Variants in NBPF11 observed in about 807,000 individuals in gnomAD.
The protein encoded by NBPF11 is NBPF family member NBPF11.
In NBPF11, 72 loss-of-function variants were observed where a neutral mutation model predicts 93.9. The observed-to-expected ratio is 0.77, with a 90% CI of 0.63 to 0.93. The LOEUF is 0.93. Ranked by LOEUF, NBPF11 falls within the 40% of genes least tolerant of loss-of-function variation. The pLI is 0.00. For synonymous variants in NBPF11, 224 were observed against 304.9 expected (o/e 0.73, Z 2.76); for missense variants, 705 against 802.2 (o/e 0.88, Z 1.46).
chr1:148,103,577 G>T lies in NBPF11; in HGVS notation c.*319C>A, dbSNP rs1662785981. The T allele has an allele frequency of 7.5e-6, 12 of 1,604,174 alleles. No individual in the cohort carries two copies. The South Asian group carries it at 1.2e-4, about 16-fold the overall frequency. On this transcript the variant is annotated 3_prime_UTR_variant, in exon 24 of 24. Coordinates refer to ENST00000682118, the MANE Select transcript of NBPF11 (RefSeq NM_001385469.3). Reference sequence around the variant, plus strand: ...GCCCACTGACCCATCCTATGTCTGGGCTTCCAAATGGAACTATAGTTTCAT... The same window carrying T: ...GCCCACTGACCCATCCTATGTCTGGTCTTCCAAATGGAACTATAGTTTCAT...
intron 19 of NBPF11, 74 bp downstream of exon 19, chr1:148,107,637 A>C: frequency 8.5e-7 from 1 of 1,182,420 alleles, no homozygotes; most frequent in Non-Finnish European, 1.3e-6. Context: ...AATTGAACAC[A>C]CTCTTGTTTT....
chr1:148,139,044 T>A (rs1211396852), intron 2 of NBPF11, among the ~76,000 whole-genome samples: 1 of 151,260 alleles, frequency 6.6e-6, no homozygotes, highest in African/African-American at 2.5e-5. Context: ...TGAGCTGAGA[T>A]GGCGCCGTTG....
Position 148,110,448 on chromosome 1 carries a change from C to G in NBPF11, c.1731G>C (p.Ser577=), listed in dbSNP as rs1339020421. 2 of 1,557,106 alleles carry G rather than the reference C, an allele frequency of 1.3e-6. No individual in the cohort carries two copies. Among genetic ancestry groups the G allele is most frequent in the Non-Finnish European group, 1.7e-6 (2 of 1,147,070 alleles). ...GAAATGTGCTGCTGTAAGACTGGTACGAGGCCAACCTTTCAGGAGGAATTG... is the reference window on the plus strand; with the variant it reads ...GAAATGTGCTGCTGTAAGACTGGTAGGAGGCCAACCTTTCAGGAGGAATTG... ...TLSIPPERLA[S]YQSYSSTFHS... Residue 577 remains serine, a synonymous_variant, in exon 16 of 24, where the codon TCG becomes TCC. Transcript: ENST00000682118.
rs1668028532 is a variant in NBPF11, at chr1:148,122,184, G to A, written c.649C>T (p.Pro217Ser). Residue 217 changes from proline (P) to serine (S), a missense_variant, in exon 9 of 24, where the codon CCT becomes TCT. Physicochemically the swap from Pro to Ser is moderately conservative, Grantham distance 74. Around this residue, in one of 12 missense-constraint regions of NBPF11, gnomAD observed 262 missense variants for 223.1 expected, o/e 1.17. Coordinates refer to ENST00000682118, the MANE Select transcript of NBPF11 (RefSeq NM_001385469.3). ...TTGTGAGGCTGGATGGAGTCACAAG[G>A]GCCGTGGCTATTTGAACAAGTGATG... Reference protein sequence around the residue: ...CAITCSNSHGPCDSIQPHKNI... With the variant: ...CAITCSNSHGSCDSIQPHKNI... 2 of 1,612,584 alleles carry A rather than the reference G, an allele frequency of 1.2e-6. No individual in the cohort carries two copies. The highest frequency in any genetic ancestry group is 3.3e-5 in the Admixed American group (2 of 59,968).
rs2149243882 is a variant in NBPF11 at position 148,124,132 on chromosome 1, A to T, written c.279-65T>A. ...ATTGAGTGATCCGTTCAAATATTGC[A>T]ACAGAGATTTCTGAGACAATGTTCT... is the stretch of plus-strand genomic sequence containing the variant. On this transcript the variant is annotated intron_variant, in intron 6 of 23. Transcript: ENST00000682118. The T allele has an allele frequency of 3.1e-6, 5 of 1,587,864 alleles. No individual in the cohort carries two copies. The East Asian group carries it at 6.7e-5, about 21-fold the overall frequency.
At chr1:148,131,876 A>G (rs1324225358) in intron 4 of NBPF11, among the ~76,000 whole-genome samples, 4 of 86,596 alleles carry the variant, frequency 4.6e-5, no homozygotes, top group African/African-American at 1.8e-4. Context: ...TTTCATTCCT[A>G]CAAGTATAAG....
In NBPF11 at chr1:148,138,822, G is replaced by A. The variant is rs1340317779; in HGVS notation, c.-276-1013C>T. On this transcript the variant is annotated intron_variant, in intron 2 of 23. Transcript: ENST00000682118. ...TTCCCCACAGTTCAGGTCAGGCCAT[G>A]GCTCATATCTGTAATCCTAGCACTT... 5.5e-4 allele frequency among the ~76,000 whole-genome samples: 83 copies of A among 152,102 alleles called. 1 individual carries two copies. Among genetic ancestry groups the A allele is most frequent in the African/African-American group, 1.8e-3 (75 of 41,350 alleles).
rs1668128850 is a variant in NBPF11, at chr1:148,122,621, C to T, written c.566+108G>A. 3.2e-5 allele frequency: 48 copies of T among 1,505,582 alleles called. No homozygotes were observed. The East Asian group carries it at 7.2e-4, about 23-fold the overall frequency. 93.3% of individuals were successfully genotyped at this position (1,505,582 alleles called of 1,614,324 possible). ...CTGGGTTGAATTTCACATACTGTGG[C>T]CAAGGGAATGCGGGCTTTTGGCCCA... On this transcript the variant is annotated intron_variant, in intron 8 of 23. Coordinates refer to ENST00000682118, the MANE Select transcript of NBPF11 (RefSeq NM_001385469.3).
chr1:148,126,058 T>C (rs1214392804), intron 5 of NBPF11, among the ~76,000 whole-genome samples: 5 of 151,968 alleles, frequency 3.3e-5, no homozygotes, highest in African/African-American at 4.9e-5. Context: ...TGGAGTGCAA[T>C]AGTGCAATCT....
At chr1:148,150,313 A>C (rs1231869103) in intron 1 of NBPF11, among the ~76,000 whole-genome samples, 21 of 149,768 alleles carry the variant, frequency 1.4e-4, no homozygotes, top group Non-Finnish European at 2.8e-4. Context: ...CACGTTGCCC[A>C]GGCTGGTCTG....
intron 14 of NBPF11, among the ~76,000 whole-genome samples, chr1:148,115,318 T>C (rs1384282342): frequency 2.0e-5 from 3 of 150,126 alleles, no homozygotes; most frequent in Admixed American, 6.6e-5. Context: ...AAAGTTTCCA[T>C]CCTGATTTCA....
At chr1:148,108,249 A>T (rs1255088220) in intron 18 of NBPF11, among the ~76,000 whole-genome samples, 1,895 of 137,058 alleles carry the variant, frequency 0.014, no homozygotes, top group East Asian at 0.031. Context: ...TCTTGAGAGT[A>T]GGATTAGGGT....
At chr1:148,147,023 G>T (rs1431255392) in intron 1 of NBPF11, 4 of 1,210,240 alleles carry the variant, frequency 3.3e-6, no homozygotes, top group Non-Finnish European at 4.6e-6. Flanking sequence ...GGGCGGCCCT[G>T]CAGGAGGGGA....
chr1:148,123,996 C>A lies in NBPF11; in HGVS notation c.350G>T (p.Arg117Ile), dbSNP rs1668502824. The A allele has an allele frequency of 6.3e-7, 1 of 1,581,348 alleles. No homozygotes were observed. Among genetic ancestry groups the A allele is most frequent in the Non-Finnish European group, 8.7e-7 (1 of 1,152,246 alleles). The change falls in exon 7 of 24, where the codon AGA (arginine) becomes ATA (isoleucine). Residue 117 changes from arginine (R) to isoleucine (I), a missense_variant. By Grantham distance (97) the Arg-to-Ile change is moderately conservative. Around this residue, in one of 12 missense-constraint regions of NBPF11, gnomAD observed 10 missense variants for 65.1 expected, o/e 0.15. Transcript: ENST00000682118. Reference protein sequence around the residue: ...TQLREKLREGRDASRSLNEHL... With the variant: ...TQLREKLREGIDASRSLNEHL... ...CTCATTCAATGAGCGGGAGGCATCT[C>A]TCCCTTCCCGTAACTTCTCCCTTAA...
intron 1 of NBPF11, among the ~76,000 whole-genome samples, chr1:148,145,065 C>T (rs1249410362): frequency 2.7e-5 from 4 of 147,886 alleles, no homozygotes; most frequent in African/African-American, 7.7e-5. Flanking sequence ...ATTATGCCAA[C>T]ACACTTCAGC....
intron 15 of NBPF11, among the ~76,000 whole-genome samples, chr1:148,112,990 A>T (rs1665664187): frequency 6.6e-6 from 1 of 151,964 alleles, no homozygotes; most frequent in African/African-American, 2.4e-5. Context: ...GGAAAGGAAC[A>T]ACCGGTACCA....
Position 148,116,730 on chromosome 1 carries a change from G to T in NBPF11, c.1307-195C>A, listed in dbSNP as rs1485533918. ...AGGCAATGCATTTCTGATCTGGAGG[G>T]CCACCATCAAGATGTGGCCAAATAT... On this transcript the variant is annotated intron_variant, in intron 12 of 23. Coordinates refer to ENST00000682118, the MANE Select transcript of NBPF11 (RefSeq NM_001385469.3). Among the ~76,000 whole-genome samples, 501 of 151,712 alleles carry T rather than the reference G, an allele frequency of 3.3e-3. 7 individuals are homozygous for T. Among genetic ancestry groups the T allele is most frequent in the Non-Finnish European group, 4.3e-3 (289 of 67,990 alleles).
rs1473861077 is a variant in NBPF11 at position 148,106,074 on chromosome 1, G to T, written c.2303+107C>A. 265 of 560,686 alleles carry T rather than the reference G, an allele frequency of 4.7e-4. 5 individuals carry two copies. The highest frequency in any genetic ancestry group is 1.5e-3 in the Middle Eastern group (3 of 2,024). The allele number at this position is 560,686 out of a possible 1,614,324, so 34.7% of individuals were successfully genotyped here. A position where few individuals can be genotyped will look rare whatever the true frequency, so the allele number is the denominator to read the frequency against. On this transcript the variant is annotated intron_variant, in intron 21 of 23. Coordinates refer to ENST00000682118, the MANE Select transcript of NBPF11 (RefSeq NM_001385469.3). ...AGCAATGTTAGTAGGAATAATTCAGGCTTGGTTGAAAAGATGTAATCGATA... is the reference window on the plus strand; with the variant it reads ...AGCAATGTTAGTAGGAATAATTCAGTCTTGGTTGAAAAGATGTAATCGATA...
intron 1 of NBPF11, among the ~76,000 whole-genome samples, chr1:148,143,971 G>A (rs1553276499): frequency 6.7e-6 from 1 of 150,308 alleles, no homozygotes; most frequent in Non-Finnish European, 1.5e-5. Flanking sequence ...GAGGCAGGAG[G>A]ATTCCTTGAG....
Sources: allele counts gnomAD v4.1 joint callset (sites outside exome capture counted in the v4.1 genomes callset), GRCh38; gene constraint gnomAD v4.1.1; regional missense constraint gnomAD v4.1.1; transcripts MANE v1.5; gene names NCBI Gene and HGNC (gene_info 2026-07-23, HGNC 2026-07-21).